WNK1: variants seen among roughly 807,000 people sequenced by gnomAD.
The protein encoded by WNK1 is serine/threonine-protein kinase WNK1.
Under a neutral mutation model 222.8 loss-of-function variants are expected in WNK1, and 38 were observed. The ratio of observed to expected loss-of-function variants is 0.17; its 90% CI spans 0.13 to 0.22. The LOEUF (loss-of-function observed/expected upper bound fraction) is 0.22. Among genes scored for constraint, WNK1 ranks in the 10% least tolerant of loss-of-function variants. WNK1 has a pLI of 1.00. For synonymous variants in WNK1, 1,090 were observed against 1,092.9 expected (o/e 1.00, Z 0.05); for missense variants, 2,348 against 2,918.4 (o/e 0.80, Z 4.50).
intron 5 of WNK1, 59 bp from the exon 6 acceptor site, chr12:859,186 A>AT (rs1388411007): frequency 2.1e-6 from 3 of 1,438,218 alleles, no homozygotes; most frequent in Non-Finnish European, 2.9e-6. Context: ...TTTGAAAATT[A>AT]TTTTTTCAAA....
In WNK1 at chr12:881,897, T is replaced by C; in HGVS notation, c.3210-14T>C. The C allele has an allele frequency of 1.2e-6, 2 of 1,614,152 alleles. No individual in the cohort carries two copies. The highest frequency in any genetic ancestry group is 1.7e-6 in the Non-Finnish European group (2 of 1,180,004). Reference sequence around the variant, plus strand: ...ATTATAAACTGCACTTTTTTTTCTTTTTAAATTTCAAAGTGCACATTCAGA... The same window carrying C: ...ATTATAAACTGCACTTTTTTTTCTTCTTAAATTTCAAAGTGCACATTCAGA... On this transcript the variant is annotated splice_polypyrimidine_tract_variant and intron_variant, in intron 13 of 27. Coordinates refer to ENST00000315939, the MANE Select transcript of WNK1 (RefSeq NM_018979.4).
chr12:807,085 G>C lies in WNK1; in HGVS notation c.760-6557G>C, dbSNP rs990372166. Reference sequence around the variant, plus strand: ...AGGGAAAGAGGGATAGAAAGGTTAAGATTGAGCTGATAAGAAGACCCTTGT... The same window carrying C: ...AGGGAAAGAGGGATAGAAAGGTTAACATTGAGCTGATAAGAAGACCCTTGT... On this transcript the variant is annotated intron_variant, in intron 1 of 27. Coordinates refer to ENST00000315939, the MANE Select transcript of WNK1 (RefSeq NM_018979.4). Among the ~76,000 whole-genome samples the C allele has an allele frequency of 2.5e-4, 38 of 151,656 alleles. 2 individuals are homozygous for C. The highest frequency in any genetic ancestry group is 5.9e-5 in the Non-Finnish European group (4 of 67,892).
At chr12:861,682 CATCA>C (rs1951231184) in intron 7 of WNK1, among the ~76,000 whole-genome samples, 3 of 152,074 alleles carry the variant, frequency 2.0e-5, no homozygotes, top group African/African-American at 7.2e-5. Context: ...AAATTGAACC[CATCA>C]GTCTGGTTGA....
chr12:901,135 A>G (rs1955217706), intron 26 of WNK1: 1 of 251,928 alleles, frequency 4.0e-6, no homozygotes, highest in African/African-American at 2.2e-5. Flanking sequence ...AGCTCTGTTT[A>G]TTAGTGATTG....
chr12:776,396 G>GTGTGTT (rs1943084563), intron 1 of WNK1, among the ~76,000 whole-genome samples: 1 of 113,932 alleles, frequency 8.8e-6, no homozygotes. Flanking sequence ...TCAGATCTCT[G>GTGTGTT]TGTGTGTTTG....
chr12:866,917 A>G (rs1951720514), intron 8 of WNK1, among the ~76,000 whole-genome samples: 1 of 152,086 alleles, frequency 6.6e-6, no homozygotes, highest in Non-Finnish European at 1.5e-5. Context: ...TGAGGTCAGG[A>G]GTTCGAGACC....
At chr12:812,505 AT>A (rs1242183666) in intron 1 of WNK1, among the ~76,000 whole-genome samples, 2 of 152,204 alleles carry the variant, frequency 1.3e-5, no homozygotes, top group African/African-American at 2.4e-5. Flanking sequence ...GTTGCCTGTG[AT>A]TAAGTGTTAT....
chr12:839,452 A>G (rs1318307047), intron 4 of WNK1, among the ~76,000 whole-genome samples: 1 of 152,216 alleles, frequency 6.6e-6, no homozygotes, highest in African/African-American at 2.4e-5. Flanking sequence ...AAGGGAAATG[A>G]CTAATAGTCT....
At chr12:775,926 A>G (rs112619767) in intron 1 of WNK1, among the ~76,000 whole-genome samples, 2,290 of 152,250 alleles carry the variant, frequency 0.015, 25 homozygotes, top group Middle Eastern at 0.034. Context: ...AGCCTAGATC[A>G]TTCTTGTTTG....
At chr12:907,760 GCCATTCATCATCC>G in intron 26 of WNK1, 74 bp from the exon 27 acceptor site, 1 of 1,450,034 alleles carries the variant, frequency 6.9e-7, no homozygotes, top group African/African-American at 1.4e-5. Context: ...TCTGTGGCTT[GCCATTCATCATCC>G]CGTGAAGTTT....
chr12:885,252 C>T lies in WNK1; in HGVS notation c.4448C>T (p.Thr1483Ile), dbSNP rs367898105. 1.9e-6 allele frequency: 3 copies of T among 1,614,226 alleles called. No homozygotes were observed. Among genetic ancestry groups the T allele is most frequent in the Non-Finnish European group, 2.5e-6 (3 of 1,180,048 alleles). ...AVVSQQAAGS[T>I]TVGATLTSVS... ...GTATCTCAGCAGGCAGCAGGCAGCA[C>T]TACTGTGGGAGCCACATTAACATCA... The change falls in exon 19 of 28, where the codon ACT becomes ATT. Residue 1483 changes from threonine to isoleucine, a missense_variant. Thr to Ile is a moderately conservative substitution (Grantham distance 89). Coordinates refer to ENST00000315939, the MANE Select transcript of WNK1 (RefSeq NM_018979.4).
intron 22 of WNK1, among the ~76,000 whole-genome samples, chr12:892,590 A>G (rs1954353418): frequency 1.3e-5 from 2 of 152,116 alleles, no homozygotes; most frequent in African/African-American, 4.8e-5. Flanking sequence ...GGAAATATAT[A>G]TATTTGTGGG....
rs574104473 is a variant in WNK1, at chr12:884,205, G to A, written c.3806G>A (p.Arg1269Gln). 23 of 1,614,144 alleles carry A rather than the reference G, an allele frequency of 1.4e-5. No individual in the cohort carries two copies. In the Admixed American group the frequency reaches 3.3e-4, roughly 23 times the overall value. The part of the protein sequence containing the change: ...IVSPVPESRL[R>Q]ESKVFPSEIT... The stretch of plus-strand genomic sequence containing the variant: ...AGTCCTGTGCCAGAAAGCCGATTAC[G>A]AGAATCAAAAGTTTTCCCCAGTGAA... Residue 1269 changes from arginine (R) to glutamine (Q), a missense_variant, in exon 18 of 28, where the codon CGA becomes CAA. Coordinates refer to ENST00000315939, the MANE Select transcript of WNK1 (RefSeq NM_018979.4). The surrounding 1 kb of genome is among the most constrained non-coding windows in gnomAD (Gnocchi z 5.6).
intron 4 of WNK1, among the ~76,000 whole-genome samples, chr12:833,035 A>T (rs1158991736): frequency 6.7e-6 from 1 of 148,732 alleles, no homozygotes. Context: ...TCCTTTGAGC[A>T]TAGGGTCGAC....
intron 4 of WNK1, among the ~76,000 whole-genome samples, chr12:830,730 A>G (rs1948727414): frequency 6.6e-6 from 1 of 152,218 alleles, no homozygotes; most frequent in African/African-American, 2.4e-5. Flanking sequence ...ATTTTACTTT[A>G]TCACTACATG....
At chr12:836,882 A>G (rs1222695078) in intron 4 of WNK1, among the ~76,000 whole-genome samples, 2 of 152,080 alleles carry the variant, frequency 1.3e-5, no homozygotes, top group Admixed American at 1.3e-4. Flanking sequence ...GTGCCAAGTC[A>G]GAGTATTAAT....
intron 9 of WNK1, 140 bp downstream of exon 9, chr12:871,488 CAAAG>C (rs916439251): frequency 2.5e-6 from 2 of 785,048 alleles, no homozygotes; most frequent in Middle Eastern, 2.5e-4. Flanking sequence ...TGTTCAGTAA[CAAAG>C]AAAAAAAAGA....
chr12:866,935 C>T (rs1263745253), intron 8 of WNK1, among the ~76,000 whole-genome samples: 2 of 151,906 alleles, frequency 1.3e-5, no homozygotes, highest in Non-Finnish European at 2.9e-5. Context: ...ACCAGCCTGG[C>T]CAACATGGCG....
Position 879,982 on chromosome 12 carries a change from T to G in WNK1, c.2783T>G (p.Leu928Arg). ...CAGTCCATGGGAATACCAGCTAACCTTGGACAAGCTGCTGAGGTTCCACTT... is the reference window on the plus strand; with the variant it reads ...CAGTCCATGGGAATACCAGCTAACCGTGGACAAGCTGCTGAGGTTCCACTT... ...AVQSMGIPAN[L>R]GQAAEVPLSS... Residue 928 changes from leucine (L) to arginine (R), a missense_variant, in exon 11 of 28, where the codon CTT (leucine) becomes CGT (arginine). Physicochemically the swap from Leu to Arg is moderately radical, Grantham distance 102. This residue lies in a region of WNK1 where 547 missense variants were observed against 558.3 expected (regional missense o/e 0.98). Coordinates refer to ENST00000315939, the MANE Select transcript of WNK1 (RefSeq NM_018979.4). The G allele has an allele frequency of 6.2e-7, 1 of 1,614,202 alleles. No individual in the cohort carries two copies. The highest frequency in any genetic ancestry group is 1.3e-5 in the African/African-American group (1 of 75,044).
Sources: gnomAD v4.1 joint callset for allele counts (sites outside exome capture counted in the v4.1 genomes callset) on GRCh38, gnomAD v4.1.1 for gene constraint, gnomAD v4.1.1 regional missense constraint, Gnocchi (gnomAD v3.1) non-coding constraint, MANE v1.5 for transcripts, NCBI Gene and HGNC (gene_info 2026-07-23, HGNC 2026-07-21) for gene names.